BMP8B: variants seen among roughly 807,000 people sequenced by gnomAD.
The protein encoded by BMP8B is bone morphogenetic protein 8b, also known as bone morphogenetic protein 8 (osteogenic protein 2).
A neutral mutation model predicts 30.3 loss-of-function variants in BMP8B; 17 were observed. That is an observed-to-expected ratio of 0.56 (90% CI 0.38 to 0.84). The LOEUF (loss-of-function observed/expected upper bound fraction) is 0.84, where lower values mean the gene tolerates loss of function less well. Among genes scored for constraint, BMP8B ranks in the 40% least tolerant of loss-of-function variants. The pLI, the probability that BMP8B is intolerant of heterozygous loss-of-function variation, is 0.00. For synonymous variants in BMP8B, 131 were observed against 214.7 expected (o/e 0.61, Z 3.41); for missense variants, 253 against 494.6 (o/e 0.51, Z 4.63).
intron 3 of BMP8B, among the ~76,000 whole-genome samples, chr1:39,771,824 G>C (rs1288856756): frequency 6.9e-6 from 1 of 145,694 alleles, no homozygotes; most frequent in Admixed American, 6.8e-5. Flanking sequence ...CCATCAGGAA[G>C]GGTCCCTGCT....
At chr1:39,762,752 C>G in intron 6 of BMP8B, 1 of 1,369,498 alleles carries the variant, frequency 7.3e-7, no homozygotes, top group African/African-American at 1.5e-5. Context: ...GATCACACAG[C>G]CCCCACACAG....
In BMP8B at chr1:39,758,186, T is replaced by C. The variant is rs1287325330; in HGVS notation, c.*2233A>G. On this transcript the variant is annotated 3_prime_UTR_variant, in exon 7 of 7. Coordinates refer to ENST00000372827, the MANE Select transcript of BMP8B (RefSeq NM_001720.5). ...ATTGCCTAGAAGACCATCTTTGATG[T>C]TAAGAAGGAACAATTAAGTAAATAC... 1 of 152,156 alleles carries C rather than the reference T, an allele frequency of 6.6e-6. No homozygotes were observed. Among genetic ancestry groups the C allele is most frequent in the Non-Finnish European group, 1.5e-5 (1 of 68,032 alleles). 9.4% of individuals were successfully genotyped at this position (152,156 alleles called of 1,614,324 possible).
rs139098809 is a variant in BMP8B, at chr1:39,783,386, G to A, written c.334+4766C>T. On this transcript the variant is annotated intron_variant, in intron 1 of 6. Coordinates refer to ENST00000372827, the MANE Select transcript of BMP8B (RefSeq NM_001720.5). Reference sequence around the variant, plus strand: ...TTACTCAGGGGTGAGAAAACACTGCGGAAATGGGTAGGACCAGTCACTAGG... The same window carrying A: ...TTACTCAGGGGTGAGAAAACACTGCAGAAATGGGTAGGACCAGTCACTAGG... Among the ~76,000 whole-genome samples, 1,234 of 152,220 alleles carry A rather than the reference G, an allele frequency of 8.1e-3. 16 individuals carry two copies. Among genetic ancestry groups the A allele is most frequent in the African/African-American group, 0.028 (1,163 of 41,506 alleles).
chr1:39,780,484 T>C lies in BMP8B; in HGVS notation c.335-5446A>G, dbSNP rs1650555781. The stretch of plus-strand genomic sequence containing the variant: ...GGTGCAGTTGACTAGAACGCTGAAC[T>C]CTGAATGCCAGGCTGGGGAAACGTG... On this transcript the variant is annotated intron_variant, in intron 1 of 6. Transcript: ENST00000372827. 2.0e-5 allele frequency among the ~76,000 whole-genome samples: 3 copies of C among 152,202 alleles called. No homozygotes were observed. In the South Asian group the frequency reaches 6.2e-4, roughly 31 times the overall value.
chr1:39,784,693 G>A (rs1296892156), intron 1 of BMP8B, among the ~76,000 whole-genome samples: 5 of 123,728 alleles, frequency 4.0e-5, no homozygotes, highest in African/African-American at 1.4e-4. Context: ...CACGGAGATG[G>A]TGCCACCCTT....
chr1:39,763,287 G>A (rs1649280180), intron 5 of BMP8B, 85 bp from the exon 6 acceptor site: 5 of 1,337,516 alleles, frequency 3.7e-6, no homozygotes, highest in East Asian at 4.7e-5. Flanking sequence ...GCCCTGCAGG[G>A]CCGTCTCCCC....
chr1:39,777,292 A>G (rs1650300279), intron 1 of BMP8B, among the ~76,000 whole-genome samples: 1 of 152,246 alleles, frequency 6.6e-6, no homozygotes, highest in Non-Finnish European at 1.5e-5. Context: ...GCTGCCCCAA[A>G]TGGTCTCACG....
Position 39,760,482 on chromosome 1 carries a change from G to A in BMP8B, c.1146C>T (p.Ser382=). The A allele has an allele frequency of 1.2e-6, 2 of 1,614,188 alleles. No individual in the cohort carries two copies. The highest frequency in any genetic ancestry group is 1.1e-5 in the South Asian group (1 of 91,084). Residue 382 remains serine, a synonymous_variant, in exon 7 of 7, where the codon AGC becomes AGT. Transcript: ENST00000372827. The stretch of plus-strand genomic sequence containing the variant: ...GCTTGCGCAGGATGACATTGTTGCT[G>A]CTGTCATAGTAGAGCACAGAGGTGG... ...LSATSVLYYD[S]SNNVILRKHR...
At position 39,768,366 on chromosome 1, in the gene BMP8B, C is replaced by G. The variant is rs150953539; in HGVS notation, c.674-3549G>C. On this transcript the variant is annotated intron_variant, in intron 3 of 6. Transcript: ENST00000372827. ...GAGGAAGCTTCCTGGTGGATTTCAG[C>G]ACCGGCAGCCTCTCCCCTCTCAGTC... Among the ~76,000 whole-genome samples, 14 of 123,390 alleles carry G rather than the reference C, an allele frequency of 1.1e-4. 1 individual carries two copies. In the East Asian group the frequency reaches 1.4e-3, roughly 12 times the overall value. 80.9% of individuals were successfully genotyped at this position (123,390 alleles called of 152,430 possible).
chr1:39,767,932 ATGGGCCCC>A (rs1366318402), intron 3 of BMP8B, among the ~76,000 whole-genome samples: 2 of 139,002 alleles, frequency 1.4e-5, no homozygotes, highest in African/African-American at 5.2e-5. Flanking sequence ...TGAGGCTCCA[ATGGGCCCC>A]TGGAAAGTCT....
chr1:39,788,423 G>GC lies in BMP8B; in HGVS notation c.62dup (p.Gly22ArgfsTer89). ...CGGGCGGGGGTCGCAGGCCGGGGCC[G>GC]CCCCCGCCCAGCGCGCATAGCGCCA... On this transcript the variant is annotated frameshift_variant, in exon 1 of 7. Coordinates refer to ENST00000372827, the MANE Select transcript of BMP8B (RefSeq NM_001720.5). LOFTEE classifies it high-confidence loss of function. This position sits in a 1 kb window ranked among gnomAD's most constrained non-coding sequence, Gnocchi z 5.8. The GC allele has an allele frequency of 1.9e-6, 2 of 1,043,318 alleles. No homozygotes were observed. The allele number at this position is 1,043,318 out of a possible 1,614,324, so 64.6% of individuals were successfully genotyped here.
In BMP8B at chr1:39,785,901, G is replaced by A. The variant is rs568109708; in HGVS notation, c.334+2251C>T. 8.3e-4 allele frequency among the ~76,000 whole-genome samples: 126 copies of A among 152,288 alleles called. 1 individual carries two copies. The highest frequency in any genetic ancestry group is 1.8e-3 in the Non-Finnish European group (121 of 68,028). ...AGTGCAGTTAGCACAGCAGAATAAA[G>A]AAGGCCTTTCTGACAGCTGGCTGCG... On this transcript the variant is annotated intron_variant, in intron 1 of 6. Transcript: ENST00000372827.
At chr1:39,769,654 T>C (rs976279232) in intron 3 of BMP8B, 30 of 1,480,656 alleles carry the variant, frequency 2.0e-5, no homozygotes, top group African/African-American at 2.8e-5. Context: ...GGGAACCCGG[T>C]GGCACCCGCC....
At position 39,787,709 on chromosome 1, in the gene BMP8B, C is replaced by T. The variant is rs952439942; in HGVS notation, c.334+443G>A. Among the ~76,000 whole-genome samples the T allele has an allele frequency of 3.9e-5, 6 of 152,260 alleles. No homozygotes were observed. The East Asian group carries it at 7.7e-4, about 20-fold the overall frequency. ...AAGAGCCTGCTGTGGACTCAGGGCA[C>T]GCGACTCAGCTCTGGTCACTCCGAT... On this transcript the variant is annotated intron_variant, in intron 1 of 6. Coordinates refer to ENST00000372827, the MANE Select transcript of BMP8B (RefSeq NM_001720.5).
intron 1 of BMP8B, among the ~76,000 whole-genome samples, chr1:39,786,169 C>T (rs1650972091): frequency 6.6e-6 from 1 of 152,242 alleles, no homozygotes; most frequent in Non-Finnish European, 1.5e-5. Context: ...AATTGTAAGG[C>T]TGTGAAAGTT....
At chr1:39,769,948 GACC>G in intron 3 of BMP8B, 1 of 1,578,610 alleles carries the variant, frequency 6.3e-7, no homozygotes, top group South Asian at 1.2e-5. Flanking sequence ...GCTGCATGGT[GACC>G]ACCACTCTGG....
chr1:39,776,301 C>T (rs1358378470), intron 1 of BMP8B, among the ~76,000 whole-genome samples: 1 of 152,120 alleles, frequency 6.6e-6, no homozygotes, highest in Non-Finnish European at 1.5e-5. Context: ...ATATTTAGGG[C>T]AGTCTCACTT....
intron 1 of BMP8B, among the ~76,000 whole-genome samples, chr1:39,782,059 G>A (rs1387971748): frequency 6.6e-6 from 1 of 150,492 alleles, no homozygotes; most frequent in East Asian, 2.0e-4. Flanking sequence ...GGGAGGGTGA[G>A]ACAGAAGAAT....
chr1:39,782,440 G>A (rs1650704846), intron 1 of BMP8B, among the ~76,000 whole-genome samples: 1 of 149,342 alleles, frequency 6.7e-6, no homozygotes, highest in African/African-American at 2.5e-5. Context: ...GCCACTTATT[G>A]AGCAGTGCCA....
Sources: allele counts gnomAD v4.1 joint callset (sites outside exome capture counted in the v4.1 genomes callset), GRCh38; gene constraint gnomAD v4.1.1; non-coding constraint Gnocchi (gnomAD v3.1); transcripts MANE v1.5; gene names NCBI Gene and HGNC (gene_info 2026-07-23, HGNC 2026-07-21).